Variants in CSMD1 observed in about 807,000 individuals in gnomAD.
CSMD1 encodes CUB and sushi domain-containing protein 1.
In CSMD1, 213 loss-of-function variants were observed where a neutral mutation model predicts 417.5. That is an observed-to-expected ratio of 0.51 (90% CI 0.46 to 0.57). CSMD1 has a LOEUF of 0.57. CSMD1 is among the 20% of genes least tolerant of loss of function. The pLI is 0.00. For missense variants in CSMD1, 6,923 were observed against 4,529.7 expected, an observed-to-expected ratio of 1.53 and a Z score of -15.17; for synonymous variants, 2,862 against 1,736.8, an observed-to-expected ratio of 1.65 and a Z score of -16.11.
intron 3 of CSMD1, among the ~76,000 whole-genome samples, chr8:4,388,871 C>G (rs1803650701): frequency 6.6e-6 from 1 of 152,210 alleles, no homozygotes; most frequent in African/African-American, 2.4e-5. Flanking sequence ...TTGAAATCAG[C>G]TGAAACGTCT....
chr8:4,544,984 C>T (rs934356600), intron 2 of CSMD1, among the ~76,000 whole-genome samples: 7 of 152,152 alleles, frequency 4.6e-5, no homozygotes, highest in African/African-American at 9.7e-5. Flanking sequence ...TAAGCATATT[C>T]GTAATGCATT....
In CSMD1 at chr8:3,930,256, A is replaced by G. The variant is rs568360032; in HGVS notation, c.818+67647T>C. Among the ~76,000 whole-genome samples, 8 of 150,438 alleles carry G rather than the reference A, an allele frequency of 5.3e-5. No individual in the cohort carries two copies. In the East Asian group the frequency reaches 1.6e-3, roughly 30 times the overall value. On this transcript the variant is annotated intron_variant, in intron 5 of 69. Coordinates refer to ENST00000635120, the MANE Select transcript of CSMD1 (RefSeq NM_033225.6). ...TCCTTCTTCAAAGACTTTCCTCCCC[A>G]TCTAATTAGGAATAAATAGTAACTT... is the stretch of plus-strand genomic sequence containing the variant.
chr8:4,336,348 G>A (rs1169174030), intron 3 of CSMD1, among the ~76,000 whole-genome samples: 5 of 152,132 alleles, frequency 3.3e-5, no homozygotes, highest in East Asian at 3.9e-4. Flanking sequence ...GAAGCAGGGA[G>A]CAACTGGGTC....
intron 8 of CSMD1, among the ~76,000 whole-genome samples, chr8:3,606,115 T>A (rs544165498): frequency 6.6e-6 from 1 of 152,226 alleles, no homozygotes; most frequent in African/African-American, 2.4e-5. Context: ...AATCGGGAAA[T>A]GACAAGAAGC....
At chr8:3,181,044 A>G (rs1821289413) in intron 37 of CSMD1, 66 bp downstream of exon 37, 1 of 963,728 alleles carries the variant, frequency 1.0e-6, no homozygotes, top group Admixed American at 2.1e-5. Context: ...AGCATGATTT[A>G]TTTTTTCTTT....
intron 1 of CSMD1, among the ~76,000 whole-genome samples, chr8:4,755,882 A>G (rs927076517): frequency 2.0e-5 from 3 of 152,192 alleles, no homozygotes; most frequent in Non-Finnish European, 2.9e-5. Context: ...AGAAACTCAT[A>G]ATGGGCTGCT....
intron 37 of CSMD1, among the ~76,000 whole-genome samples, chr8:3,165,796 A>G (rs1820173026): frequency 6.6e-6 from 1 of 152,132 alleles, no homozygotes; most frequent in East Asian, 1.9e-4. Flanking sequence ...GGATGTTAAA[A>G]TAGGGCAAGA....
rs768062762 is a variant in CSMD1 at position 3,096,988 on chromosome 8, G to A, written c.6999C>T (p.Leu2333=). 3.2e-6 allele frequency: 5 copies of A among 1,556,100 alleles called. No individual in the cohort carries two copies. The highest frequency in any genetic ancestry group is 1.7e-4 in the Middle Eastern group (1 of 6,000). ...AATAATTACCCGGATACCCTGGACTGAGAATGACTCCCGATGATCCAGTCC... is the reference window on the plus strand; with the variant it reads ...AATAATTACCCGGATACCCTGGACTAAGAATGACTCCCGATGATCCAGTCC... The part of the protein sequence containing the change: ...EVRTGSSGVI[L]SPGYPGNYFN... Residue 2333 remains leucine (L), a synonymous_variant, in exon 47 of 70, where the codon CTC becomes CTT. Coordinates refer to ENST00000635120, the MANE Select transcript of CSMD1 (RefSeq NM_033225.6).
intron 1 of CSMD1, among the ~76,000 whole-genome samples, chr8:4,917,977 T>C (rs778685483): frequency 2.0e-5 from 3 of 152,214 alleles, no homozygotes; most frequent in Non-Finnish European, 4.4e-5. Context: ...AGAGTGAGTA[T>C]TGTTACTGTC....
chr8:3,275,970 G>A (rs1585892335), intron 26 of CSMD1, among the ~76,000 whole-genome samples: 1 of 152,334 alleles, frequency 6.6e-6, no homozygotes. Flanking sequence ...CGTTGCTGGT[G>A]AGGAACTGTG....
At chr8:3,311,757 A>G (rs1443507100) in intron 23 of CSMD1, among the ~76,000 whole-genome samples, 1 of 151,974 alleles carries the variant, frequency 6.6e-6, no homozygotes, top group Non-Finnish European at 1.5e-5. Flanking sequence ...ACAATAAATT[A>G]TGTTCTGATT....
rs547071042 is a variant in CSMD1, at chr8:4,166,826, C to T, written c.416-134727G>A. On this transcript the variant is annotated intron_variant, in intron 3 of 69. Transcript: ENST00000635120. ...TTTAATGAGACAATATTTTACACTA[C>T]TTATCTTTTTAAAATTTAAATTTGT... Among the ~76,000 whole-genome samples the T allele has an allele frequency of 1.5e-4, 23 of 152,308 alleles. 1 individual carries two copies. In the South Asian group the frequency reaches 4.6e-3, roughly 30 times the overall value.
intron 3 of CSMD1, among the ~76,000 whole-genome samples, chr8:4,237,649 G>C (rs1802148470): frequency 6.6e-6 from 1 of 151,818 alleles, no homozygotes; most frequent in African/African-American, 2.4e-5. Flanking sequence ...TCTAGTAGCT[G>C]AGACTGGAGG....
intron 2 of CSMD1, among the ~76,000 whole-genome samples, chr8:4,424,379 A>C (rs1797423853): frequency 6.6e-6 from 1 of 151,678 alleles, no homozygotes; most frequent in Non-Finnish European, 1.5e-5. Flanking sequence ...AATAGGCAAC[A>C]AGCAGAAAAG....
chr8:3,107,351 T>C lies in CSMD1; in HGVS notation c.6835+367A>G, dbSNP rs149758019. On this transcript the variant is annotated intron_variant, in intron 45 of 69. Coordinates refer to ENST00000635120, the MANE Select transcript of CSMD1 (RefSeq NM_033225.6). ...TTTCAGCCGCAAATGATTCAGATTT[T>C]TCTCAAGTGCATGAATGTGTCCCCC... Among the ~76,000 whole-genome samples, 310 of 152,338 alleles carry C rather than the reference T, an allele frequency of 2.0e-3. 2 individuals carry two copies. Among genetic ancestry groups the C allele is most frequent in the African/African-American group, 6.6e-3 (276 of 41,574 alleles).
At chr8:3,012,022 C>T (rs1808427005) in intron 52 of CSMD1, among the ~76,000 whole-genome samples, 1 of 152,190 alleles carries the variant, frequency 6.6e-6, no homozygotes, top group African/African-American at 2.4e-5. Flanking sequence ...TAGCATTACA[C>T]AGTACAGTTG....
chr8:4,468,092 C>T (rs1245481676), intron 2 of CSMD1, among the ~76,000 whole-genome samples: 1 of 152,206 alleles, frequency 6.6e-6, no homozygotes, highest in Non-Finnish European at 1.5e-5. Context: ...CTGCACTGTT[C>T]TGATGAACCG....
intron 5 of CSMD1, among the ~76,000 whole-genome samples, chr8:3,801,038 C>G (rs1159857818): frequency 6.6e-6 from 1 of 151,778 alleles, no homozygotes; most frequent in African/African-American, 2.4e-5. Context: ...AAGAGTAAAT[C>G]TTTATAACCG....
At chr8:4,039,028 C>G (rs1032917926) in intron 3 of CSMD1, among the ~76,000 whole-genome samples, 1 of 148,026 alleles carries the variant, frequency 6.8e-6, no homozygotes, top group African/African-American at 2.5e-5. Flanking sequence ...AAGTATCTTT[C>G]CAAAAGAAAA....
Sources: gnomAD v4.1 joint callset for allele counts (sites outside exome capture counted in the v4.1 genomes callset) on GRCh38, gnomAD v4.1.1 for gene constraint, MANE v1.5 for transcripts, NCBI Gene and HGNC (gene_info 2026-07-23, HGNC 2026-07-21) for gene names.